The following FZD3 variants were observed in gnomAD, a reference collection of about 807,000 sequenced individuals.
The protein encoded by FZD3 is frizzled class receptor 3, also known as frizzled-3.
Under a neutral mutation model 60.7 loss-of-function variants are expected in FZD3, and 30 were observed. That is an observed-to-expected ratio of 0.49 (90% CI 0.37 to 0.67). The LOEUF is 0.67. Ranked by LOEUF, FZD3 falls within the 30% of genes least tolerant of loss-of-function variation. The pLI is 0.00. For synonymous variants in FZD3, 246 were observed against 275.2 expected (o/e 0.89, Z 1.05); for missense variants, 605 against 838.7 (o/e 0.72, Z 3.44).
chr8:28,555,807 T>A lies in FZD3; in HGVS notation c.1623T>A (p.Asn541Lys). The change falls in exon 7 of 8, where the codon AAT (asparagine) becomes AAA (lysine). Residue 541 changes from asparagine to lysine, a missense_variant. By Grantham distance (94) the Asn-to-Lys change is moderately conservative. Coordinates refer to ENST00000240093, the MANE Select transcript of FZD3 (RefSeq NM_017412.4). ...CTCAGTCTCTCCTGAGGGATCCAAA[T>A]ACTCCTATCATAAGAAAGTCAAGGG... is the stretch of plus-strand genomic sequence containing the variant. ...DFAQSLLRDPNTPIIRKSRGT... is the reference protein window; with the variant it reads ...DFAQSLLRDPKTPIIRKSRGT... 6.2e-7 allele frequency: 1 copy of A among 1,613,924 alleles called. No homozygotes were observed. Among genetic ancestry groups the A allele is most frequent in the Non-Finnish European group, 8.5e-7 (1 of 1,179,782 alleles).
chr8:28,499,748 T>G (rs1240133201), intron 1 of FZD3, among the ~76,000 whole-genome samples, 185 bp from the exon 2 acceptor site: 1 of 152,218 alleles, frequency 6.6e-6, no homozygotes, highest in Admixed American at 6.5e-5. Context: ...GCATTTTTTA[T>G]TATTAGTGAA....
intron 5 of FZD3, among the ~76,000 whole-genome samples, chr8:28,547,549 A>G (rs758766253): frequency 6.6e-6 from 1 of 152,248 alleles, no homozygotes; most frequent in Non-Finnish European, 1.5e-5. Context: ...AATGCAATAT[A>G]CTGTCAGACT....
In FZD3 at chr8:28,573,889, G is replaced by A. The variant is rs933361749; in HGVS notation, c.*10878G>A. 1.3e-5 allele frequency: 2 copies of A among 152,046 alleles called. No homozygotes were observed. The highest frequency in any genetic ancestry group is 1.3e-4 in the Admixed American group (2 of 15,246). The allele number at this position is 152,046 out of a possible 1,614,324, so 9.4% of individuals were successfully genotyped here. A position where few individuals can be genotyped will look rare whatever the true frequency, so the allele number is the denominator to read the frequency against. On this transcript the variant is annotated 3_prime_UTR_variant, in exon 8 of 8. Coordinates refer to ENST00000240093, the MANE Select transcript of FZD3 (RefSeq NM_017412.4). Reference sequence around the variant, plus strand: ...GAGGTGATTCTAAATGTCTAATGTTGATTTATCATATAAACATCTAATTAG... The same window carrying A: ...GAGGTGATTCTAAATGTCTAATGTTAATTTATCATATAAACATCTAATTAG...
chr8:28,515,383 C>T (rs1455480628), intron 3 of FZD3, among the ~76,000 whole-genome samples: 4 of 152,056 alleles, frequency 2.6e-5, no homozygotes, highest in Non-Finnish European at 2.9e-5. Context: ...AGGGCAGGAA[C>T]GAAAGGAAGT....
At position 28,566,531 on chromosome 8, in the gene FZD3, A is replaced by G. The variant is rs1458840737; in HGVS notation, c.*3520A>G. ...AAATTAGAAAAATTTACTACATTTT[A>G]ACCTACCTCATCAGTTTCTTTGTGA... On this transcript the variant is annotated 3_prime_UTR_variant, in exon 8 of 8. Coordinates refer to ENST00000240093, the MANE Select transcript of FZD3 (RefSeq NM_017412.4). 6.6e-6 allele frequency: 1 copy of G among 152,194 alleles called. No homozygotes were observed. The highest frequency in any genetic ancestry group is 1.5e-5 in the Non-Finnish European group (1 of 68,020). 9.4% of individuals were successfully genotyped at this position (152,194 alleles called of 1,614,324 possible).
chr8:28,496,777 G>C (rs752684391), intron 1 of FZD3, among the ~76,000 whole-genome samples: 1 of 152,176 alleles, frequency 6.6e-6, no homozygotes, highest in Non-Finnish European at 1.5e-5. Context: ...GGAGTGTATT[G>C]CACGTGAAGT....
At chr8:28,549,003 C>T (rs1424439394) in intron 5 of FZD3, among the ~76,000 whole-genome samples, 1 of 152,164 alleles carries the variant, frequency 6.6e-6, no homozygotes, top group Non-Finnish European at 1.5e-5. Flanking sequence ...GACTGGGTAG[C>T]TTAAACAACA....
intron 3 of FZD3, among the ~76,000 whole-genome samples, chr8:28,508,666 A>G (rs1304512961): frequency 6.7e-6 from 1 of 150,332 alleles, no homozygotes; most frequent in Non-Finnish European, 1.5e-5. Flanking sequence ...ATGCCTGGCT[A>G]ATTTTTGTGT....
intron 3 of FZD3, among the ~76,000 whole-genome samples, chr8:28,514,353 A>C (rs1291036823): frequency 2.0e-5 from 3 of 152,154 alleles, no homozygotes; most frequent in Non-Finnish European, 4.4e-5. Flanking sequence ...TATTTGAAAA[A>C]TATTAATATT....
chr8:28,521,318 G>A (rs1247417923), intron 4 of FZD3, among the ~76,000 whole-genome samples: 2 of 151,940 alleles, frequency 1.3e-5, no homozygotes, highest in Non-Finnish European at 2.9e-5. Flanking sequence ...TCGACTATAA[G>A]CATGTCTTAA....
In FZD3 at chr8:28,573,367, A is replaced by G. The variant is rs967729825; in HGVS notation, c.*10356A>G. 3 of 152,098 alleles carry G rather than the reference A, an allele frequency of 2.0e-5. No individual in the cohort carries two copies. The highest frequency in any genetic ancestry group is 6.6e-5 in the Admixed American group (1 of 15,258). 9.4% of individuals were successfully genotyped at this position (152,098 alleles called of 1,614,324 possible). ...GAGTAGAATCTTAAGCTTTAAAACA[A>G]AAGTGGAAATAATTTAAATTAGTGT... On this transcript the variant is annotated 3_prime_UTR_variant, in exon 8 of 8. Transcript: ENST00000240093.
intron 5 of FZD3, among the ~76,000 whole-genome samples, chr8:28,538,417 AT>A (rs1182401395): frequency 1.3e-5 from 2 of 152,152 alleles, no homozygotes; most frequent in Non-Finnish European, 2.9e-5. Flanking sequence ...ATCTCATTTA[AT>A]CCTCACATTA....
chr8:28,502,580 A>G (rs1804024206), intron 2 of FZD3, 90 bp from the exon 3 acceptor site: 1 of 153,692 alleles, frequency 6.5e-6, no homozygotes, highest in Non-Finnish European at 1.4e-5. Flanking sequence ...TCAGTATAAT[A>G]TCTCTCATCA....
At chr8:28,515,770 A>C (rs1449384879) in intron 3 of FZD3, among the ~76,000 whole-genome samples, 1 of 152,182 alleles carries the variant, frequency 6.6e-6, no homozygotes, top group Non-Finnish European at 1.5e-5. Context: ...CTGTTGGGAG[A>C]CTGCCTTTCC....
At position 28,562,874 on chromosome 8, in the gene FZD3, A is replaced by G; in HGVS notation, c.1864A>G (p.Arg622Gly). Reference protein sequence around the residue: ...GSMSRLTDHSRHSSSHRLNEQ... With the variant: ...GSMSRLTDHSGHSSSHRLNEQ... ...CATGTCACGACTAACAGATCACTCC[A>G]GGCATAGTAGTTCTCATCGGCTCAA... The change falls in exon 8 of 8, where the codon AGG (arginine) becomes GGG (glycine). Residue 622 changes from arginine (R) to glycine (G), a missense_variant. Coordinates refer to ENST00000240093, the MANE Select transcript of FZD3 (RefSeq NM_017412.4). 1 of 1,613,630 alleles carries G rather than the reference A, an allele frequency of 6.2e-7. No individual in the cohort carries two copies. The highest frequency in any genetic ancestry group is 1.1e-5 in the South Asian group (1 of 91,062).
Position 28,564,440 on chromosome 8 carries a change from C to CT in FZD3, c.*1431dup, listed in dbSNP as rs1218393777. 1 of 62,032 alleles carries CT rather than the reference C, an allele frequency of 1.6e-5. No homozygotes were observed. Among genetic ancestry groups the CT allele is most frequent in the East Asian group, 5.0e-4 (1 of 1,984 alleles). 3.8% of individuals were successfully genotyped at this position (62,032 alleles called of 1,614,324 possible). ...CATACAAATAAGAATTGGTAGCTTT[C>CT]TTAAAAAAAAAAAAAAAAAAAAAAA... On this transcript the variant is annotated 3_prime_UTR_variant, in exon 8 of 8. Transcript: ENST00000240093.
rs754801930 is a variant in FZD3 at position 28,527,933 on chromosome 8, A to T, written c.1173A>T (p.Leu391Phe). 3 of 1,613,912 alleles carry T rather than the reference A, an allele frequency of 1.9e-6. No individual in the cohort carries two copies. The highest frequency in any genetic ancestry group is 2.5e-6 in the Non-Finnish European group (3 of 1,179,928). The change falls in exon 5 of 8, where the codon TTA becomes TTT. Residue 391 changes from leucine to phenylalanine, a missense_variant. Coordinates refer to ENST00000240093, the MANE Select transcript of FZD3 (RefSeq NM_017412.4). The surrounding 1 kb of genome is among the most constrained non-coding windows in gnomAD (Gnocchi z 5.0). ...LYVVVGVSLL[L>F]AGIISLNRVR... Reference sequence around the variant, plus strand: ...TGGTAGTTGGGGTTTCTCTCCTCTTAGCTGGCATTATATCCCTAAACAGAG... The same window carrying T: ...TGGTAGTTGGGGTTTCTCTCCTCTTTGCTGGCATTATATCCCTAAACAGAG...
chr8:28,514,842 T>C (rs951985439), intron 3 of FZD3, among the ~76,000 whole-genome samples: 1 of 152,196 alleles, frequency 6.6e-6, no homozygotes, highest in Non-Finnish European at 1.5e-5. Context: ...TATTCCCCAA[T>C]CCCTTTCAAG....
chr8:28,556,571 A>G (rs1179193665), intron 7 of FZD3, among the ~76,000 whole-genome samples: 1 of 152,232 alleles, frequency 6.6e-6, no homozygotes, highest in Non-Finnish European at 1.5e-5. Flanking sequence ...ACACATAAGT[A>G]TGACAGTATA....
Sources: allele counts gnomAD v4.1 joint callset (sites outside exome capture counted in the v4.1 genomes callset), GRCh38; gene constraint gnomAD v4.1.1; non-coding constraint Gnocchi (gnomAD v3.1); transcripts MANE v1.5; gene names NCBI Gene and HGNC (gene_info 2026-07-23, HGNC 2026-07-21).